ITM2B: variants seen among roughly 807,000 people sequenced by gnomAD.
ITM2B encodes integral membrane protein 2B.
A neutral mutation model predicts 27.8 loss-of-function variants in ITM2B; 11 were observed. The observed-to-expected ratio is 0.40, with a 90% confidence interval of 0.25 to 0.66. The LOEUF (loss-of-function observed/expected upper bound fraction) is 0.66. ITM2B is among the 30% of genes least tolerant of loss of function. The pLI, the probability that ITM2B is intolerant of heterozygous loss-of-function variation, is 0.43. For synonymous variants in ITM2B, 114 were observed against 114.3 expected, an observed-to-expected ratio of 1.00 and a Z score of 0.02; for missense variants, 296 against 328.9, an observed-to-expected ratio of 0.90 and a Z score of 0.77.
Position 48,265,284 on chromosome 13 carries a change from AC to A in ITM2B, c.*4062del, listed in dbSNP as rs1951845987. On this transcript the variant is annotated 3_prime_UTR_variant, in exon 6 of 6. Transcript: ENST00000647800. ...ATACAATAATGTGTGACACAAAATG[AC>A]CTAGTTCTTGCCCTAGTGACTAAGC... is the stretch of plus-strand genomic sequence containing the variant. The A allele has an allele frequency of 6.6e-6, 1 of 152,206 alleles. No homozygotes were observed. Among genetic ancestry groups the A allele is most frequent in the African/African-American group, 2.4e-5 (1 of 41,436 alleles). The allele number at this position is 152,206 out of a possible 1,614,324, so 9.4% of individuals were successfully genotyped here.
At chr13:48,247,843 G>A (rs1195069887) in intron 1 of ITM2B, among the ~76,000 whole-genome samples, 2 of 152,182 alleles carry the variant, frequency 1.3e-5, no homozygotes, top group Non-Finnish European at 2.9e-5. Context: ...TTGCAAGGTG[G>A]TTATAGGCCA....
At chr13:48,236,978 C>G (rs1031066799) in intron 1 of ITM2B, among the ~76,000 whole-genome samples, 66 of 152,280 alleles carry the variant, frequency 4.3e-4, no homozygotes, top group African/African-American at 1.5e-3. Flanking sequence ...TGAAGGCCGA[C>G]TCACCCAGTA....
At chr13:48,235,409 G>C (rs1198793468) in intron 1 of ITM2B, among the ~76,000 whole-genome samples, 1 of 152,164 alleles carries the variant, frequency 6.6e-6, no homozygotes, top group Non-Finnish European at 1.5e-5. Context: ...GGCCAGAGTC[G>C]TCTTTGTAAA....
chr13:48,254,613 T>C (rs1209094644), intron 2 of ITM2B, among the ~76,000 whole-genome samples: 1 of 152,192 alleles, frequency 6.6e-6, no homozygotes, highest in African/African-American at 2.4e-5. Flanking sequence ...GAAATTACTT[T>C]CAAGGTTTTA....
rs1337623241 is a variant in ITM2B, at chr13:48,258,879, GTTTC to G, written c.651_654del (p.Phe217LeufsTer46). ...CGCATTGAAAACATTGATCACCTGGGTTTCTTTATTTATCGACTGTGTCATGACA... is the reference window on the plus strand; with the variant it reads ...CGCATTGAAAACATTGATCACCTGGGTTTATTTATCGACTGTGTCATGACA... On this transcript the variant is annotated frameshift_variant, in exon 5 of 6. Transcript: ENST00000647800. LOFTEE classifies it high-confidence loss of function. 2 of 1,613,404 alleles carry G rather than the reference GTTTC, an allele frequency of 1.2e-6. No individual in the cohort carries two copies. Among genetic ancestry groups the G allele is most frequent in the South Asian group, 1.1e-5 (1 of 91,068 alleles).
chr13:48,258,377 TTTG>T (rs1951802199), intron 4 of ITM2B, 141 bp downstream of exon 4: 8 of 656,542 alleles, frequency 1.2e-5, no homozygotes, highest in Admixed American at 2.5e-5. Flanking sequence ...ACTCATGGTT[TTTG>T]TTTTTAATGT....
chr13:48,242,642 A>G (rs1182491411), intron 1 of ITM2B, among the ~76,000 whole-genome samples: 4 of 152,066 alleles, frequency 2.6e-5, no homozygotes, highest in African/African-American at 9.7e-5. Context: ...CTGGGTGTAA[A>G]ATTCTAGGTT....
rs1239505873 is a variant in ITM2B at position 48,233,497 on chromosome 13, G to A, written c.117+20G>A. On this transcript the variant is annotated intron_variant, in intron 1 of 5. Coordinates refer to ENST00000647800, the MANE Select transcript of ITM2B (RefSeq NM_021999.5). ...TGCAAGGTCCGAGCCCGGGGAGGTCGAGGAAGCGGGTGCTGGGCCCGGCCG... is the reference window on the plus strand; with the variant it reads ...TGCAAGGTCCGAGCCCGGGGAGGTCAAGGAAGCGGGTGCTGGGCCCGGCCG... 6.8e-7 allele frequency: 1 copy of A among 1,477,010 alleles called. No individual in the cohort carries two copies. The highest frequency in any genetic ancestry group is 9.1e-7 in the Non-Finnish European group (1 of 1,099,716). The allele number at this position is 1,477,010 out of a possible 1,614,324, so 91.5% of individuals were successfully genotyped here.
rs779234032 is a variant in ITM2B, at chr13:48,233,380, A to C, written c.20A>C (p.Asn7Thr). 8 of 1,563,918 alleles carry C rather than the reference A, an allele frequency of 5.1e-6. No homozygotes were observed. In the African/African-American group the frequency reaches 9.9e-5, roughly 19 times the overall value. Residue 7 changes from asparagine (N) to threonine (T), a missense_variant, in exon 1 of 6, where the codon AAC (asparagine) becomes ACC (threonine). Asn to Thr is a moderately conservative substitution (Grantham distance 65). Transcript: ENST00000647800. The stretch of plus-strand genomic sequence containing the variant: ...CGCGCCATGGTGAAGGTGACGTTCA[A>C]CTCCGCTCTGGCCCAGAAGGAGGCC... Reference protein sequence around the residue: MVKVTFNSALAQKEAKK... With the variant: MVKVTFTSALAQKEAKK...
intron 2 of ITM2B, 30 bp downstream of exon 2, chr13:48,253,966 A>ATTTT: frequency 6.9e-6 from 10 of 1,457,824 alleles, no homozygotes; most frequent in African/African-American, 1.5e-5. Context: ...TGTGTCTCTG[A>ATTTT]TTTTTTTTTT....
At chr13:48,258,265 A>G (rs528537212) in intron 4 of ITM2B, 29 bp downstream of exon 4, 14 of 1,062,896 alleles carry the variant, frequency 1.3e-5, no homozygotes, top group Middle Eastern at 2.0e-4. Flanking sequence ...TTTTTGATGA[A>G]TGATGCCTTC....
intron 1 of ITM2B, among the ~76,000 whole-genome samples, chr13:48,247,272 C>A (rs1335872672): frequency 2.6e-5 from 4 of 152,150 alleles, no homozygotes; most frequent in African/African-American, 9.7e-5. Context: ...TGTTACCCAG[C>A]ATGTTTCTGA....
At chr13:48,244,319 G>C (rs145737718) in intron 1 of ITM2B, among the ~76,000 whole-genome samples, 241 of 152,238 alleles carry the variant, frequency 1.6e-3, no homozygotes, top group African/African-American at 5.5e-3. Context: ...AAATCACACC[G>C]CTGGATCCAA....
At chr13:48,243,597 G>A (rs1951710951) in intron 1 of ITM2B, among the ~76,000 whole-genome samples, 1 of 152,032 alleles carries the variant, frequency 6.6e-6, no homozygotes, top group African/African-American at 2.4e-5. Context: ...GGGAGGCTGA[G>A]GCAGGAGAAT....
intron 2 of ITM2B, among the ~76,000 whole-genome samples, chr13:48,255,232 TGTG>T (rs1225206542): frequency 6.6e-5 from 2 of 30,428 alleles, no homozygotes; most frequent in African/African-American, 8.4e-4. Flanking sequence ...GTGTGTGTAG[TGTG>T]TGTGTGTGTG....
intron 5 of ITM2B, among the ~76,000 whole-genome samples, chr13:48,260,122 G>A (rs1329864984): frequency 6.6e-6 from 1 of 152,120 alleles, no homozygotes; most frequent in African/African-American, 2.4e-5. Flanking sequence ...TCTTGTGATA[G>A]TTTGCTGAGA....
rs866413795 is a variant in ITM2B, at chr13:48,257,505, A to G, written c.454-621A>G. On this transcript the variant is annotated intron_variant, in intron 3 of 5. Transcript: ENST00000647800. ...ATTTCGTGCCTGATAAATACATCTG[A>G]TGGATGTTTATAAACCAGTTTGAAA... 2.0e-5 allele frequency among the ~76,000 whole-genome samples: 3 copies of G among 152,340 alleles called. No individual in the cohort carries two copies. The South Asian group carries it at 6.2e-4, about 32-fold the overall frequency.
chr13:48,257,827 A>G (rs1453183907), intron 3 of ITM2B, among the ~76,000 whole-genome samples: 1 of 152,218 alleles, frequency 6.6e-6, no homozygotes, highest in African/African-American at 2.4e-5. Flanking sequence ...TGAGCTTATA[A>G]GTGGGGAAGT....
chr13:48,239,059 C>T (rs983491343), intron 1 of ITM2B, among the ~76,000 whole-genome samples: 1 of 152,162 alleles, frequency 6.6e-6, no homozygotes, highest in Non-Finnish European at 1.5e-5. Flanking sequence ...ACTTGAATCT[C>T]TGCAGTATCC....
Sources: allele counts gnomAD v4.1 joint callset (sites outside exome capture counted in the v4.1 genomes callset), GRCh38; gene constraint gnomAD v4.1.1; transcripts MANE v1.5; gene names NCBI Gene and HGNC (gene_info 2026-07-23, HGNC 2026-07-21).